Variants in RHOF observed in about 807,000 individuals in gnomAD.
RHOF encodes ras homolog family member F, filopodia associated.
Under a neutral mutation model 22.2 loss-of-function variants are expected in RHOF, and 21 were observed. The ratio of observed to expected loss-of-function variants is 0.95; its 90% CI spans 0.67 to 1.36. The LOEUF (loss-of-function observed/expected upper bound fraction) is 1.36. RHOF is among the 40% of genes most tolerant of loss of function. The pLI is 0.00. For synonymous variants in RHOF, 135 were observed against 131.2 expected (o/e 1.03, Z -0.20); for missense variants, 285 against 293.7 (o/e 0.97, Z 0.22).
chr12:121,779,657 C>T lies in RHOF; in HGVS notation c.477G>A (p.Leu159=), dbSNP rs756293631. 4.3e-6 allele frequency: 7 copies of T among 1,613,774 alleles called. No homozygotes were observed. In the African/African-American group the frequency reaches 6.7e-5, roughly 15 times the overall value. Residue 159 remains leucine, a synonymous_variant, in exon 5 of 5, where the codon CTG becomes CTA. Coordinates refer to ENST00000267205, the MANE Select transcript of RHOF (RefSeq NM_019034.3). ...CAGCTCGGATCTGTTCGCAGGCGCT[C>T]AGGCCCTGGGTGGGGGGAGGAGCCA... ...QLEPITYMQG[L]SACEQIRAAL...
chr12:121,780,822 G>A (rs776925903), intron 4 of RHOF, 50 bp downstream of exon 4: 13 of 1,583,378 alleles, frequency 8.2e-6, no homozygotes, highest in African/African-American at 6.8e-5. Context: ...CCAAAGGTCC[G>A]GGAGGCTTCA....
In RHOF at chr12:121,780,737, T is replaced by C. The variant is rs1488843668; in HGVS notation, c.471+135A>G. On this transcript the variant is annotated intron_variant, in intron 4 of 4. Coordinates refer to ENST00000267205, the MANE Select transcript of RHOF (RefSeq NM_019034.3). Reference sequence around the variant, plus strand: ...CAGGTCCACAGGCCATCAATACTAATAGTTAAAAATTATTCTTAGAATCTT... The same window carrying C: ...CAGGTCCACAGGCCATCAATACTAACAGTTAAAAATTATTCTTAGAATCTT... 1.3e-5 allele frequency: 13 copies of C among 1,006,816 alleles called. No individual in the cohort carries two copies. The South Asian group carries it at 1.8e-4, about 14-fold the overall frequency. The allele number at this position is 1,006,816 out of a possible 1,614,324, so 62.4% of individuals were successfully genotyped here. A position where few individuals can be genotyped will look rare whatever the true frequency, so the allele number is the denominator to read the frequency against.
rs1874294735 is a variant in RHOF at position 121,777,826 on chromosome 12, G to A, written c.*1672C>T. On this transcript the variant is annotated 3_prime_UTR_variant, in exon 5 of 5. Coordinates refer to ENST00000267205, the MANE Select transcript of RHOF (RefSeq NM_019034.3). ...ATGTGGCCCACAGGCTGTAGTTGTT[G>A]GACCTCTACCGTAGACCATCATGAG... 6.6e-6 allele frequency: 1 copy of A among 152,216 alleles called. No homozygotes were observed. Among genetic ancestry groups the A allele is most frequent in the Non-Finnish European group, 1.5e-5 (1 of 68,058 alleles). The allele number at this position is 152,216 out of a possible 1,614,324, so 9.4% of individuals were successfully genotyped here.
intron 2 of RHOF, among the ~76,000 whole-genome samples, chr12:121,783,892 C>A (rs1874541302): frequency 6.6e-6 from 1 of 152,220 alleles, no homozygotes; most frequent in Non-Finnish European, 1.5e-5. Context: ...GCATGAGCCA[C>A]CGTGCCTGGC....
intron 2 of RHOF, among the ~76,000 whole-genome samples, chr12:121,790,908 C>A (rs757058923): frequency 6.6e-6 from 1 of 152,192 alleles, no homozygotes; most frequent in Non-Finnish European, 1.5e-5. Flanking sequence ...GGGTCTCGCT[C>A]TGTTGCCCAG....
intron 2 of RHOF, among the ~76,000 whole-genome samples, chr12:121,784,544 CAAAAAA>C (rs1184197669): frequency 1.4e-5 from 1 of 71,602 alleles, no homozygotes; most frequent in East Asian, 3.8e-4. Flanking sequence ...GACGTCGTCT[CAAAAAA>C]AAAAAAAAAG....
Position 121,787,890 on chromosome 12 carries a change from CAAAA to C in RHOF, c.226+5258_226+5261del, listed in dbSNP as rs35018748. Among the ~76,000 whole-genome samples, 232 of 54,422 alleles carry C rather than the reference CAAAA, an allele frequency of 4.3e-3. 4 individuals carry two copies. The highest frequency in any genetic ancestry group is 0.019 in the African/African-American group (220 of 11,786). The allele number at this position is 54,422 out of a possible 152,430, so 35.7% of individuals were successfully genotyped here. On this transcript the variant is annotated intron_variant, in intron 2 of 4. Transcript: ENST00000267205. The stretch of plus-strand genomic sequence containing the variant: ...TGGGCAACAGAGTGAGACTCTGCCT[CAAAA>C]AAAAAAAAAAAAAAAGGGGGGGGGG...
chr12:121,792,824 G>T (rs1263502185), intron 2 of RHOF, among the ~76,000 whole-genome samples: 1 of 152,244 alleles, frequency 6.6e-6, no homozygotes, highest in Non-Finnish European at 1.5e-5. Flanking sequence ...ACCACAGCAG[G>T]TAGCGCAGCA....
At chr12:121,779,779 C>G in intron 4 of RHOF, 117 bp from the exon 5 acceptor site, 1 of 1,087,210 alleles carries the variant, frequency 9.2e-7, no homozygotes, top group Non-Finnish European at 1.3e-6. Flanking sequence ...TTGGTTTGGG[C>G]CTGTCTGTCT....
At chr12:121,791,198 T>G (rs1320872368) in intron 2 of RHOF, among the ~76,000 whole-genome samples, 1 of 152,088 alleles carries the variant, frequency 6.6e-6, no homozygotes, top group Non-Finnish European at 1.5e-5. Context: ...CAATCTCGGC[T>G]CACTGCAACC....
chr12:121,793,175 G>A lies in RHOF; in HGVS notation c.203C>T (p.Thr68Ile), dbSNP rs761347478. 12 of 1,550,512 alleles carry A rather than the reference G, an allele frequency of 7.7e-6. No individual in the cohort carries two copies. In the South Asian group the frequency reaches 1.4e-4, roughly 18 times the overall value. Residue 68 changes from threonine (T) to isoleucine (I), a missense_variant, in exon 2 of 5, where the codon ACC becomes ATC. Transcript: ENST00000267205. ...ASVTVGSKEV[T>I]LNLYDTAGQE... is the part of the protein sequence containing the mutation. Reference sequence around the variant, plus strand: ...ACCGGCCGTGTCGTAGAGGTTCAGGGTCACCTCCTTGCTGCCAACGGTCAC... The same window carrying A: ...ACCGGCCGTGTCGTAGAGGTTCAGGATCACCTCCTTGCTGCCAACGGTCAC...
chr12:121,781,606 C>T (rs375863555), intron 2 of RHOF: 7 of 205,344 alleles, frequency 3.4e-5, no homozygotes, highest in Non-Finnish European at 7.1e-5. Context: ...GAGATGATGC[C>T]GATAGCCAGT....
intron 2 of RHOF, chr12:121,782,579 G>GAC: frequency 6.6e-6 from 1 of 152,352 alleles, no homozygotes; most frequent in East Asian, 1.9e-4. Flanking sequence ...TTCTCTGCCA[G>GAC]ACACCTCTCA....
Position 121,780,865 on chromosome 12 carries a change from G to A in RHOF, c.471+7C>T, listed in dbSNP as rs746636849. The A allele has an allele frequency of 5.6e-6, 9 of 1,611,456 alleles. No individual in the cohort carries two copies. The Middle Eastern group carries it at 5.0e-4, about 89-fold the overall frequency. On this transcript the variant is annotated splice_region_variant and intron_variant, in intron 4 of 4. Coordinates refer to ENST00000267205, the MANE Select transcript of RHOF (RefSeq NM_019034.3). ...GGCTGTGCCCCAGGGTCTTGGCCCC[G>A]GCCCACCTGCATGTAGGTGATGGGC...
chr12:121,783,404 C>T (rs1336289529), intron 2 of RHOF, among the ~76,000 whole-genome samples: 2 of 151,562 alleles, frequency 1.3e-5, no homozygotes, highest in East Asian at 1.9e-4. Flanking sequence ...TCACTGCAAC[C>T]TCTGCCTGCC....
chr12:121,790,102 T>C (rs1372686344), intron 2 of RHOF, among the ~76,000 whole-genome samples: 1 of 152,222 alleles, frequency 6.6e-6, no homozygotes, highest in Non-Finnish European at 1.5e-5. Flanking sequence ...TCACCCGATC[T>C]GCCCTCCCTC....
At position 121,779,222 on chromosome 12, in the gene RHOF, G is replaced by A. The variant is rs1327481132; in HGVS notation, c.*276C>T. ...GAGTCTGCACTGGGGAGACACTCGT[G>A]GTGGGGGTGGCTGTGATGAGGGCAC... On this transcript the variant is annotated 3_prime_UTR_variant, in exon 5 of 5. Transcript: ENST00000267205. 2.0e-6 allele frequency: 1 copy of A among 501,020 alleles called. No individual in the cohort carries two copies. Among genetic ancestry groups the A allele is most frequent in the Admixed American group, 3.2e-5 (1 of 31,372 alleles). 31.0% of individuals were successfully genotyped at this position (501,020 alleles called of 1,614,324 possible).
At chr12:121,780,715 G>T in intron 4 of RHOF, 157 bp downstream of exon 4, 1 of 835,332 alleles carries the variant, frequency 1.2e-6, no homozygotes, top group Non-Finnish European at 1.8e-6. Flanking sequence ...AAGTGCTCAG[G>T]TCCACAGGCC....
chr12:121,789,230 T>A (rs1449241188), intron 2 of RHOF, among the ~76,000 whole-genome samples: 1 of 125,144 alleles, frequency 8.0e-6, no homozygotes, highest in African/African-American at 2.8e-5. Flanking sequence ...ACCCTGTCTC[T>A]AACCATTCCC....
Sources: allele counts gnomAD v4.1 joint callset (sites outside exome capture counted in the v4.1 genomes callset), GRCh38; gene constraint gnomAD v4.1.1; transcripts MANE v1.5; gene names NCBI Gene and HGNC (gene_info 2026-07-23, HGNC 2026-07-21).